The following AP4E1 variants were observed in gnomAD, a reference collection of about 807,000 sequenced individuals.
The protein encoded by AP4E1 is adaptor related protein complex 4 subunit epsilon 1.
In AP4E1, 56 loss-of-function variants were observed where a neutral mutation model predicts 128.2. The ratio of observed to expected loss-of-function variants is 0.44; its 90% CI spans 0.35 to 0.55. The LOEUF (loss-of-function observed/expected upper bound fraction) is 0.55. Ranked by LOEUF, AP4E1 falls within the 20% of genes least tolerant of loss-of-function variation. The pLI, the probability that AP4E1 is intolerant of heterozygous loss-of-function variation, is 0.00. For missense variants in AP4E1, 1,324 were observed against 1,307.7 expected, an observed-to-expected ratio of 1.01 and a Z score of -0.19; for synonymous variants, 484 against 473.1, an observed-to-expected ratio of 1.02 and a Z score of -0.30.
Position 50,941,488 on chromosome 15 carries a change from A to C in AP4E1, c.990A>C (p.Lys330Asn). ...ATACAGTCTATTCTATTTATCCTAAATCGGAATTACTTGAGAAGGCTGCCA... is the reference window on the plus strand; with the variant it reads ...ATACAGTCTATTCTATTTATCCTAACTCGGAATTACTTGAGAAGGCTGCCA... ...CVHTVYSIYP[K>N]SELLEKAAKC... is the part of the protein sequence containing the mutation. Residue 330 changes from lysine to asparagine, a missense_variant, in exon 9 of 21, where the codon AAA becomes AAC. Lys to Asn is a moderately conservative substitution (Grantham distance 94, BLOSUM62 0). Coordinates refer to ENST00000261842, the MANE Select transcript of AP4E1 (RefSeq NM_007347.5). The C allele has an allele frequency of 6.2e-7, 1 of 1,613,090 alleles. No individual in the cohort carries two copies. The highest frequency in any genetic ancestry group is 1.1e-5 in the South Asian group (1 of 91,060).
chr15:50,912,082 A>G lies in AP4E1; in HGVS notation c.155A>G (p.Glu52Gly). ...GITALTSKHE[E>G]EKLIQQELSS... Reference sequence around the variant, plus strand: ...TAAATATTTTCACTTTCTCAGGAAGAAGAAAAATTAATCCAGCAGGAACTG... The same window carrying G: ...TAAATATTTTCACTTTCTCAGGAAGGAGAAAAATTAATCCAGCAGGAACTG... Residue 52 changes from glutamate to glycine, a missense_variant, in exon 2 of 21, where the codon GAA becomes GGA. By Grantham distance (98) the Glu-to-Gly change is moderately conservative (BLOSUM62 -2). Transcript: ENST00000261842. The G allele has an allele frequency of 6.2e-7, 1 of 1,613,754 alleles. No homozygotes were observed. The highest frequency in any genetic ancestry group is 1.7e-4 in the Middle Eastern group (1 of 6,060).
At position 50,950,033 on chromosome 15, in the gene AP4E1, G is replaced by GT. The variant is rs757187299; in HGVS notation, c.1430-17dup. 1.3e-6 allele frequency: 2 copies of GT among 1,593,092 alleles called. No individual in the cohort carries two copies. Among genetic ancestry groups the GT allele is most frequent in the East Asian group, 4.5e-5 (2 of 44,654 alleles). The stretch of plus-strand genomic sequence containing the variant: ...ATAAGTTTGTGGAAATTAAAATGGT[G>GT]TATCAATTTCTTTGTAGGTTTTGAT... On this transcript the variant is annotated splice_polypyrimidine_tract_variant and intron_variant, in intron 12 of 20. Coordinates refer to ENST00000261842, the MANE Select transcript of AP4E1 (RefSeq NM_007347.5).
chr15:50,937,866 A>G (rs1017520662), intron 8 of AP4E1, among the ~76,000 whole-genome samples: 3 of 152,242 alleles, frequency 2.0e-5, no homozygotes, highest in Admixed American at 6.5e-5. Flanking sequence ...AGGACCTGTC[A>G]CAACAGCCAA....
chr15:50,969,536 A>G (rs959037111), intron 15 of AP4E1, among the ~76,000 whole-genome samples: 1 of 152,064 alleles, frequency 6.6e-6, no homozygotes, highest in Non-Finnish European at 1.5e-5. Context: ...ACAAATAATT[A>G]TACATATTCA....
intron 20 of AP4E1, among the ~76,000 whole-genome samples, chr15:51,001,456 C>A (rs772253239): frequency 2.6e-5 from 4 of 152,180 alleles, no homozygotes; most frequent in Non-Finnish European, 4.4e-5. Flanking sequence ...CATCTATCTT[C>A]AGAACTTTTT....
At chr15:50,952,572 C>T (rs989209219) in intron 13 of AP4E1, among the ~76,000 whole-genome samples, 1 of 151,618 alleles carries the variant, frequency 6.6e-6, no homozygotes, top group Non-Finnish European at 1.5e-5. Flanking sequence ...ACTGTCCATA[C>T]TCTGATTTAT....
intron 3 of AP4E1, chr15:50,916,045 G>T (rs932108743): frequency 1.1e-4 from 19 of 165,734 alleles, no homozygotes; most frequent in Middle Eastern, 3.2e-3. Flanking sequence ...TCCTATCTCA[G>T]CCCCCTGAGT....
intron 16 of AP4E1, among the ~76,000 whole-genome samples, chr15:50,992,140 C>T (rs2064814523): frequency 6.6e-6 from 1 of 151,694 alleles, no homozygotes; most frequent in South Asian, 2.1e-4. Context: ...AAAAACTTTC[C>T]AACAAACCAT....
rs1006939882 is a variant in AP4E1 at position 51,004,845 on chromosome 15, A to G, written c.*2183A>G. The stretch of plus-strand genomic sequence containing the variant: ...TAAGTTGTAAATCAGGTGTCCACCA[A>G]CCTTTATTTTTGCATTGCAGGAGAT... On this transcript the variant is annotated 3_prime_UTR_variant, in exon 21 of 21. Coordinates refer to ENST00000261842, the MANE Select transcript of AP4E1 (RefSeq NM_007347.5). 1.3e-5 allele frequency: 2 copies of G among 152,232 alleles called. No homozygotes were observed. Among genetic ancestry groups the G allele is most frequent in the African/African-American group, 2.4e-5 (1 of 41,424 alleles). 9.4% of individuals were successfully genotyped at this position (152,232 alleles called of 1,614,324 possible).
At chr15:50,967,708 A>C (rs1596491474) in intron 14 of AP4E1, among the ~76,000 whole-genome samples, 1 of 152,246 alleles carries the variant, frequency 6.6e-6, no homozygotes, top group Non-Finnish European at 1.5e-5. Context: ...TATATTCTCC[A>C]CTGCAGTGAA....
At chr15:50,958,940 G>A in intron 14 of AP4E1, 146 bp downstream of exon 14, 1 of 910,828 alleles carries the variant, frequency 1.1e-6, no homozygotes, top group South Asian at 1.5e-5. Flanking sequence ...ACATTAGTAT[G>A]ACAGGGAATC....
intron 7 of AP4E1, among the ~76,000 whole-genome samples, chr15:50,931,436 C>T (rs533323453): frequency 1.3e-3 from 199 of 152,156 alleles, no homozygotes; most frequent in African/African-American, 4.5e-3. Flanking sequence ...CACAGTGGCG[C>T]GCGCCTGTAA....
At chr15:50,967,594 T>C (rs1211374095) in intron 14 of AP4E1, among the ~76,000 whole-genome samples, 1 of 152,202 alleles carries the variant, frequency 6.6e-6, no homozygotes, top group African/African-American at 2.4e-5. Flanking sequence ...TATATGTCTG[T>C]TTCTTCTGGT....
chr15:50,977,706 G>T (rs1454328301), intron 15 of AP4E1, among the ~76,000 whole-genome samples: 15 of 80,288 alleles, frequency 1.9e-4, no homozygotes, highest in Non-Finnish European at 2.9e-4. Flanking sequence ...ATCTGTTATG[G>T]TTTTTTTTTT....
At chr15:50,919,287 C>A (rs541708350) in intron 3 of AP4E1, among the ~76,000 whole-genome samples, 7 of 151,566 alleles carry the variant, frequency 4.6e-5, no homozygotes, top group African/African-American at 1.7e-4. Flanking sequence ...AATCCCAGCA[C>A]TTTGGGAGGC....
chr15:50,984,308 CT>C (rs904816761), intron 16 of AP4E1, among the ~76,000 whole-genome samples, 163 bp downstream of exon 16: 17 of 151,056 alleles, frequency 1.1e-4, no homozygotes, highest in African/African-American at 3.9e-4. Context: ...ACATAATTTT[CT>C]TTTTTTTTAA....
Position 51,002,519 on chromosome 15 carries a change from G to T in AP4E1, c.3271G>T (p.Ala1091Ser). The change falls in exon 21 of 21, where the codon GCC (alanine) becomes TCC (serine). Residue 1091 changes from alanine to serine, a missense_variant. By Grantham distance (99) the Ala-to-Ser change is moderately conservative. Coordinates refer to ENST00000261842, the MANE Select transcript of AP4E1 (RefSeq NM_007347.5). ...IEIIGNEGLL[A>S]CQLLPSIPCL... Reference sequence around the variant, plus strand: ...TGTTTTAGGCAATGAAGGGCTATTGGCCTGTCAGCTGCTCCCATCCATCCC... The same window carrying T: ...TGTTTTAGGCAATGAAGGGCTATTGTCCTGTCAGCTGCTCCCATCCATCCC... 1 of 1,614,086 alleles carries T rather than the reference G, an allele frequency of 6.2e-7. No individual in the cohort carries two copies. The highest frequency in any genetic ancestry group is 1.3e-5 in the African/African-American group (1 of 75,020).
intron 20 of AP4E1, among the ~76,000 whole-genome samples, chr15:51,001,388 T>G (rs2064960677): frequency 6.6e-6 from 1 of 152,222 alleles, no homozygotes; most frequent in African/African-American, 2.4e-5. Flanking sequence ...TTAACAATTT[T>G]TAAACATATA....
chr15:50,980,671 G>A (rs1356822726), intron 15 of AP4E1, among the ~76,000 whole-genome samples: 1 of 152,080 alleles, frequency 6.6e-6, no homozygotes, highest in Non-Finnish European at 1.5e-5. Flanking sequence ...CTCGAGCTCT[G>A]GGAGTGCAGA....
Sources: allele counts gnomAD v4.1 joint callset (sites outside exome capture counted in the v4.1 genomes callset), GRCh38; gene constraint gnomAD v4.1.1; transcripts MANE v1.5; gene names NCBI Gene and HGNC (gene_info 2026-07-23, HGNC 2026-07-21).